Variants in TASP1 observed in about 807,000 individuals in gnomAD.
TASP1 encodes taspase 1.
A neutral mutation model predicts 56.6 loss-of-function variants in TASP1; 16 were observed. That is an observed-to-expected ratio of 0.28 (90% CI 0.19 to 0.43). TASP1 has a LOEUF of 0.43. TASP1 is among the 20% of genes least tolerant of loss of function. The pLI is 1.00. For missense variants in TASP1, 393 were observed against 511.6 expected, an observed-to-expected ratio of 0.77 and a Z score of 2.24; for synonymous variants, 179 against 184.2, an observed-to-expected ratio of 0.97 and a Z score of 0.23.
At chr20:13,242,895 C>T in the TASP1 span, among the ~76,000 whole-genome samples, 1 of 152,146 alleles carries the variant, frequency 6.6e-6, no homozygotes, top group Admixed American at 6.6e-5. Context: ...TAAATAGTCC[C>T]TACTGTGGGC....
chr20:13,363,810 T>C, the TASP1 span, among the ~76,000 whole-genome samples: 73 of 152,324 alleles, frequency 4.8e-4, 1 homozygote, highest in South Asian at 8.3e-4. Flanking sequence ...CCCACACATA[T>C]CTGATGTCAG....
chr20:13,558,428 A>T (rs868788584), intron 8 of TASP1, among the ~76,000 whole-genome samples: 13 of 152,350 alleles, frequency 8.5e-5, no homozygotes, highest in Middle Eastern at 3.4e-3. Flanking sequence ...GTAAGAACCA[A>T]AACAGTAGCC....
the TASP1 span, among the ~76,000 whole-genome samples, chr20:13,181,361 A>G: frequency 6.6e-6 from 1 of 151,994 alleles, no homozygotes; most frequent in Non-Finnish European, 1.5e-5. Flanking sequence ...CTCTCTCATC[A>G]TGCTTCTGGA....
chr20:13,343,655 C>T, the TASP1 span, among the ~76,000 whole-genome samples: 1 of 149,272 alleles, frequency 6.7e-6, no homozygotes, highest in African/African-American at 2.5e-5. Flanking sequence ...AGATGGCCCA[C>T]CCGTGTCCTG....
chr20:13,156,673 T>C, the TASP1 span, among the ~76,000 whole-genome samples: 1 of 152,216 alleles, frequency 6.6e-6, no homozygotes, highest in Non-Finnish European at 1.5e-5. Flanking sequence ...ATTAATAGCA[T>C]CAATTAATAA....
At chr20:13,174,839 CTG>C in the TASP1 span, among the ~76,000 whole-genome samples, 1 of 152,106 alleles carries the variant, frequency 6.6e-6, no homozygotes, top group Admixed American at 6.5e-5. Context: ...TCACCTTAAA[CTG>C]TAATAATCCC....
At chr20:13,221,219 A>ACTCCTACTCCTCCTCCTC in the TASP1 span, among the ~76,000 whole-genome samples, 4 of 82,722 alleles carry the variant, frequency 4.8e-5, no homozygotes, top group African/African-American at 8.2e-5. Flanking sequence ...AAGCCCTCCT[A>ACTCCTACTCCTCCTCCTC]CTCCTCCTCC....
chr20:13,358,737 A>G, the TASP1 span, among the ~76,000 whole-genome samples: 35 of 98,672 alleles, frequency 3.5e-4, 1 homozygote, highest in Admixed American at 3.8e-3. Flanking sequence ...CAGACCACAC[A>G]GGGACGCTTA....
In TASP1 at chr20:13,622,742, T is replaced by C. The variant is rs2048759574; in HGVS notation, c.282+704A>G. ...ATGTCTTACTTGATTCCCTAAGTAG[T>C]ATTCTCAACCAGAAAAATATTTTTC... On this transcript the variant is annotated intron_variant, in intron 4 of 13. Coordinates refer to ENST00000337743, the MANE Select transcript of TASP1 (RefSeq NM_017714.3). Among the ~76,000 whole-genome samples, 3 of 152,320 alleles carry C rather than the reference T, an allele frequency of 2.0e-5. No individual in the cohort carries two copies. The South Asian group carries it at 6.2e-4, about 32-fold the overall frequency.
intron 10 of TASP1, among the ~76,000 whole-genome samples, chr20:13,486,783 CA>C (rs992017866): frequency 6.6e-6 from 1 of 151,784 alleles, no homozygotes; most frequent in East Asian, 1.9e-4. Flanking sequence ...GTCCACTGCC[CA>C]AAAAAAACTG....
chr20:13,301,860 G>A, the TASP1 span, among the ~76,000 whole-genome samples: 1 of 152,138 alleles, frequency 6.6e-6, no homozygotes, highest in African/African-American at 2.4e-5. Context: ...ACCCTCTGAT[G>A]TGTTTGTTAA....
the TASP1 span, among the ~76,000 whole-genome samples, chr20:13,361,153 C>CA: frequency 2.1e-3 from 322 of 152,262 alleles, 3 homozygotes; most frequent in Non-Finnish European, 3.6e-3. Context: ...GGATTTGCCC[C>CA]ACCCAGGACT....
chr20:13,149,446 A>G, the TASP1 span, among the ~76,000 whole-genome samples: 48 of 152,390 alleles, frequency 3.1e-4, no homozygotes, highest in Non-Finnish European at 4.6e-4. Flanking sequence ...GTAGCGTTTT[A>G]TAGGTACAAA....
chr20:13,324,670 A>G, the TASP1 span, among the ~76,000 whole-genome samples: 1 of 152,228 alleles, frequency 6.6e-6, no homozygotes, highest in Non-Finnish European at 1.5e-5. Flanking sequence ...TGATGCCTAC[A>G]AAGTGTCTTC....
chr20:13,579,041 T>A (rs1309683003), intron 6 of TASP1, among the ~76,000 whole-genome samples: 2 of 152,240 alleles, frequency 1.3e-5, no homozygotes, highest in African/African-American at 4.8e-5. Flanking sequence ...TTACATGGTT[T>A]ATGCTATTTT....
chr20:13,178,050 T>TCAA, the TASP1 span, among the ~76,000 whole-genome samples: 2 of 151,862 alleles, frequency 1.3e-5, no homozygotes, highest in African/African-American at 4.8e-5. Flanking sequence ...CTCAGACATT[T>TCAA]CAACAACAAC....
At chr20:13,241,086 G>A in the TASP1 span, among the ~76,000 whole-genome samples, 3 of 152,050 alleles carry the variant, frequency 2.0e-5, no homozygotes, top group Admixed American at 6.5e-5. Flanking sequence ...GACTTCTATC[G>A]AATGCTGCTG....
the TASP1 span, among the ~76,000 whole-genome samples, chr20:13,359,742 A>C: frequency 1.3e-5 from 2 of 151,734 alleles, no homozygotes; most frequent in African/African-American, 4.9e-5. Context: ...ACTTTAACTA[A>C]ATTATCTGCT....
chr20:13,380,952 G>A, the TASP1 span, among the ~76,000 whole-genome samples: 56 of 152,306 alleles, frequency 3.7e-4, no homozygotes, highest in East Asian at 0.01. Flanking sequence ...ATCCCAGGTC[G>A]ACTTCAGACT....
Sources: allele counts gnomAD v4.1 joint callset (sites outside exome capture counted in the v4.1 genomes callset), GRCh38; gene constraint gnomAD v4.1.1; transcripts MANE v1.5; gene names NCBI Gene and HGNC (gene_info 2026-07-23, HGNC 2026-07-21).